MBTPS1: variants seen among roughly 807,000 people sequenced by gnomAD.
The protein encoded by MBTPS1 is membrane-bound transcription factor site-1 protease.
Under a neutral mutation model 127.8 loss-of-function variants are expected in MBTPS1, and 94 were observed. The ratio of observed to expected loss-of-function variants is 0.74; its 90% CI spans 0.62 to 0.87. The LOEUF is 0.87. MBTPS1 is among the 40% of genes least tolerant of loss of function. MBTPS1 has a pLI of 0.00. For missense variants in MBTPS1, 1,636 were observed against 1,353.2 expected (o/e 1.21, Z -3.28); for synonymous variants, 632 against 509.4 (o/e 1.24, Z -3.24).
At chr16:84,109,680 A>G (rs2086373395) in intron 1 of MBTPS1, 2 of 152,240 alleles carry the variant, frequency 1.3e-5, no homozygotes, top group Non-Finnish European at 2.9e-5. Flanking sequence ...CAAGGTAATG[A>G]AAGGCAAGAA....
chr16:84,093,820 A>G lies in MBTPS1; in HGVS notation c.627T>C (p.Gly209=). The change falls in exon 5 of 23, where the codon GGT becomes GGC. Residue 209 remains glycine, a splice_region_variant and synonymous_variant. Transcript: ENST00000343411. ...CAAAAACAGCAACTCTTACATTAGC[A>G]CCTTATTCGGAAAAGAAAGCAAACA... The part of the protein sequence containing the change: ...ADVLWQMGYT[G]ANVRVAVFDT... 1 of 1,595,878 alleles carries G rather than the reference A, an allele frequency of 6.3e-7. No homozygotes were observed. The highest frequency in any genetic ancestry group is 8.6e-7 in the Non-Finnish European group (1 of 1,163,450).
intron 21 of MBTPS1, 61 bp downstream of exon 21, chr16:84,059,241 A>G (rs2085569009): frequency 6.4e-7 from 1 of 1,560,200 alleles, no homozygotes; most frequent in East Asian, 2.3e-5. Flanking sequence ...TCTCTCCTAT[A>G]AGAAAAGCAA....
At chr16:84,107,134 C>T (rs1339227160) in intron 1 of MBTPS1, among the ~76,000 whole-genome samples, 1 of 152,154 alleles carries the variant, frequency 6.6e-6, no homozygotes, top group Non-Finnish European at 1.5e-5. Flanking sequence ...ACAGAGGGCA[C>T]AGGAAAGTCA....
At chr16:84,070,831 A>G (rs2085760385) in intron 12 of MBTPS1, 55 bp from the exon 13 acceptor site, 1 of 1,416,370 alleles carries the variant, frequency 7.1e-7, no homozygotes, top group South Asian at 1.3e-5. Context: ...AGGAGAAAAC[A>G]CGTGGAAACC....
At chr16:84,088,027 T>C (rs912108629) in intron 8 of MBTPS1, among the ~76,000 whole-genome samples, 1 of 152,164 alleles carries the variant, frequency 6.6e-6, no homozygotes, top group African/African-American at 2.4e-5. Context: ...TACTCTGTAA[T>C]CTTGAGCTCC....
chr16:84,111,983 T>C (rs905613994), intron 1 of MBTPS1, among the ~76,000 whole-genome samples: 1 of 151,152 alleles, frequency 6.6e-6, no homozygotes, highest in Non-Finnish European at 1.5e-5. Context: ...GGCGGATCAC[T>C]TGAGGCCAGG....
intron 1 of MBTPS1, among the ~76,000 whole-genome samples, chr16:84,104,905 A>G (rs575009712): frequency 3.3e-5 from 5 of 151,830 alleles, no homozygotes; most frequent in East Asian, 3.9e-4. Flanking sequence ...GTGAAACCCC[A>G]TATCTACTAA....
At chr16:84,063,195 G>C (rs922068769) in intron 19 of MBTPS1, 110 bp downstream of exon 19, 22 of 1,174,890 alleles carry the variant, frequency 1.9e-5, no homozygotes, top group Non-Finnish European at 4.9e-6. Flanking sequence ...CCTGGCTCAA[G>C]TGAACAGATG....
At chr16:84,080,578 G>T (rs555326297) in intron 11 of MBTPS1, among the ~76,000 whole-genome samples, 1 of 152,226 alleles carries the variant, frequency 6.6e-6, no homozygotes, top group Admixed American at 6.5e-5. Context: ...GTCCTCACAC[G>T]TCTGTGCCAA....
At chr16:84,086,509 G>C (rs2086028772) in intron 9 of MBTPS1, 1 of 152,622 alleles carries the variant, frequency 6.6e-6, no homozygotes, top group Non-Finnish European at 1.5e-5. Flanking sequence ...GGGAGGCGGG[G>C]ACCCCTGGTG....
chr16:84,059,377 G>C lies in MBTPS1; in HGVS notation c.2756C>G (p.Pro919Arg), dbSNP rs952345037. The change falls in exon 21 of 23, where the codon CCA becomes CGA. Residue 919 changes from proline to arginine, a missense_variant. Coordinates refer to ENST00000343411, the MANE Select transcript of MBTPS1 (RefSeq NM_003791.4). ...ACAGGCTGGTAGAGGCCGAGGTTTT[G>C]GGTCTCCCAAATGGGCCTCCAGAAC... ...SKVLEAHLGD[P>R]KPRPLPACPR... is the part of the protein sequence containing the mutation. 8 of 1,614,034 alleles carry C rather than the reference G, an allele frequency of 5.0e-6. No homozygotes were observed. The highest frequency in any genetic ancestry group is 6.8e-6 in the Non-Finnish European group (8 of 1,179,998).
At chr16:84,073,925 G>T (rs1355004009) in intron 12 of MBTPS1, among the ~76,000 whole-genome samples, 1 of 152,138 alleles carries the variant, frequency 6.6e-6, no homozygotes, top group Non-Finnish European at 1.5e-5. Context: ...AGAATCGCTT[G>T]AACCTGGGAG....
chr16:84,084,741 G>C (rs1406998009), intron 10 of MBTPS1, among the ~76,000 whole-genome samples: 1 of 152,166 alleles, frequency 6.6e-6, no homozygotes, highest in Non-Finnish European at 1.5e-5. Context: ...AGGTTATTTT[G>C]CCTATCAGCA....
intron 21 of MBTPS1, 121 bp downstream of exon 21, chr16:84,059,181 G>C: frequency 7.5e-7 from 1 of 1,325,122 alleles, no homozygotes; most frequent in Non-Finnish European, 1.0e-6. Flanking sequence ...TGTCGCAAAT[G>C]ACAAGCTTGA....
intron 12 of MBTPS1, among the ~76,000 whole-genome samples, chr16:84,073,771 G>A (rs1162064771): frequency 6.6e-6 from 1 of 152,186 alleles, no homozygotes; most frequent in African/African-American, 2.4e-5. Context: ...CTGGGAGGCT[G>A]AGGTAGCTGG....
intron 11 of MBTPS1, 26 bp from the exon 12 acceptor site, chr16:84,074,767 G>A (rs765565305): frequency 1.2e-6 from 2 of 1,600,312 alleles, no homozygotes; most frequent in African/African-American, 2.7e-5. Context: ...CAGTGTTAGA[G>A]TAGATCATAT....
At position 84,066,751 on chromosome 16, in the gene MBTPS1, T is replaced by TAA; in HGVS notation, c.2229-139_2229-138insTT. 3.6e-6 allele frequency: 3 copies of TAA among 840,132 alleles called. No individual in the cohort carries two copies. The Admixed American group carries it at 8.8e-5, about 25-fold the overall frequency. The allele number at this position is 840,132 out of a possible 1,614,324, so 52.0% of individuals were successfully genotyped here. Reference sequence around the variant, plus strand: ...CACTAAGGCTTCAACTGAAACCAACTGTCTGGGTTTGGGTAAAACTGCAAA... The same window carrying TAA: ...CACTAAGGCTTCAACTGAAACCAACTAAGTCTGGGTTTGGGTAAAACTGCAAA... On this transcript the variant is annotated intron_variant, in intron 16 of 22. Coordinates refer to ENST00000343411, the MANE Select transcript of MBTPS1 (RefSeq NM_003791.4).
chr16:84,059,789 A>G, intron 20 of MBTPS1: 1 of 160,496 alleles, frequency 6.2e-6, no homozygotes, highest in East Asian at 1.8e-4. Context: ...TTCTCTTCTA[A>G]AATATTTAAT....
chr16:84,108,024 G>C (rs2086348316), intron 1 of MBTPS1, among the ~76,000 whole-genome samples: 2 of 151,618 alleles, frequency 1.3e-5, no homozygotes, highest in Admixed American at 6.6e-5. Flanking sequence ...AAGAGATCTT[G>C]TCCCCACAGA....
Sources: gnomAD v4.1 joint callset for allele counts (sites outside exome capture counted in the v4.1 genomes callset) on GRCh38, gnomAD v4.1.1 for gene constraint, MANE v1.5 for transcripts, NCBI Gene and HGNC (gene_info 2026-07-23, HGNC 2026-07-21) for gene names.